ARHGAP15: variants seen among roughly 807,000 people sequenced by gnomAD.
The protein encoded by ARHGAP15 is Rho GTPase activating protein 15, also known as rho GTPase-activating protein 15.
Under a neutral mutation model 63.7 loss-of-function variants are expected in ARHGAP15, and 51 were observed. The ratio of observed to expected loss-of-function variants is 0.80; its 90% CI spans 0.64 to 1.01. The LOEUF is 1.01. Ranked by LOEUF, ARHGAP15 falls within the 50% of genes least tolerant of loss-of-function variation. The probability of loss-of-function intolerance (pLI) is 0.00; values close to 1 mark genes in which losing one functional copy is unlikely to be tolerated. For missense variants in ARHGAP15, 560 were observed against 564.6 expected (o/e 0.99, Z 0.08); for synonymous variants, 191 against 193.8 (o/e 0.99, Z 0.12).
intron 6 of ARHGAP15, among the ~76,000 whole-genome samples, chr2:143,360,762 T>A (rs1410908477): frequency 6.6e-6 from 1 of 152,192 alleles, no homozygotes; most frequent in East Asian, 1.9e-4. Context: ...AGTTAAGTAC[T>A]AATAAATAGC....
intron 6 of ARHGAP15, among the ~76,000 whole-genome samples, chr2:143,374,661 C>T (rs1686723657): frequency 6.6e-6 from 1 of 152,090 alleles, no homozygotes; most frequent in South Asian, 2.1e-4. Flanking sequence ...CACCACCACA[C>T]CTGGCTAATT....
chr2:143,522,771 C>T (rs1486099066), intron 10 of ARHGAP15, among the ~76,000 whole-genome samples: 2 of 152,054 alleles, frequency 1.3e-5, no homozygotes, highest in Non-Finnish European at 2.9e-5. Flanking sequence ...GCATTAAAAC[C>T]CCTGGGCCAT....
intron 9 of ARHGAP15, among the ~76,000 whole-genome samples, chr2:143,497,038 T>G (rs1692846427): frequency 6.6e-6 from 1 of 152,182 alleles, no homozygotes; most frequent in Non-Finnish European, 1.5e-5. Flanking sequence ...ACTGACAAGC[T>G]TCCACAAAAT....
rs754901803 is a variant in ARHGAP15 at position 143,314,859 on chromosome 2, T to A, written c.474+64259T>A. Among the ~76,000 whole-genome samples the A allele has an allele frequency of 4.1e-4, 62 of 151,482 alleles. 1 individual carries two copies. The highest frequency in any genetic ancestry group is 1.2e-4 in the Non-Finnish European group (8 of 68,030). ...ACATCACAACGCAATTTCACTCATC[T>A]GTCCTCAGTTAAAACACTTTGACAA... On this transcript the variant is annotated intron_variant, in intron 6 of 13. Transcript: ENST00000295095.
intron 6 of ARHGAP15, among the ~76,000 whole-genome samples, chr2:143,409,762 G>A (rs538003248): frequency 2.7e-4 from 41 of 152,192 alleles, no homozygotes; most frequent in African/African-American, 9.9e-4. Context: ...ACAGTAATAT[G>A]CTAGACTAGT....
At chr2:143,154,081 A>G (rs1339497756) in intron 1 of ARHGAP15, among the ~76,000 whole-genome samples, 3 of 151,544 alleles carry the variant, frequency 2.0e-5, no homozygotes, top group Non-Finnish European at 4.4e-5. Flanking sequence ...TTGGGAATAA[A>G]ATACCTGCTC....
intron 11 of ARHGAP15, among the ~76,000 whole-genome samples, chr2:143,567,477 G>A (rs1406992052): frequency 6.6e-6 from 1 of 152,186 alleles, no homozygotes; most frequent in African/African-American, 2.4e-5. Flanking sequence ...AGTCAGTCCA[G>A]TGAAAGATGT....
At chr2:143,248,303 G>A (rs1293281166) in intron 5 of ARHGAP15, among the ~76,000 whole-genome samples, 2 of 152,130 alleles carry the variant, frequency 1.3e-5, no homozygotes, top group African/African-American at 2.4e-5. Context: ...AGGTATTCCA[G>A]GTAAACAGGT....
intron 6 of ARHGAP15, among the ~76,000 whole-genome samples, chr2:143,265,854 C>T (rs1247107529): frequency 2.6e-5 from 4 of 152,022 alleles, no homozygotes; most frequent in Admixed American, 1.3e-4. Flanking sequence ...AGCTTCATAA[C>T]GCTAAGTCTG....
intron 6 of ARHGAP15, among the ~76,000 whole-genome samples, chr2:143,322,572 A>C (rs903758715): frequency 6.6e-6 from 1 of 152,214 alleles, no homozygotes; most frequent in Non-Finnish European, 1.5e-5. Context: ...GTAACCACAA[A>C]ATTAAACATT....
intron 3 of ARHGAP15, among the ~76,000 whole-genome samples, chr2:143,211,163 T>C (rs1692543498): frequency 6.6e-6 from 1 of 151,924 alleles, no homozygotes; most frequent in Non-Finnish European, 1.5e-5. Context: ...AAATATAGCA[T>C]GAATAGCAGA....
At chr2:143,483,086 T>C (rs902661041) in intron 8 of ARHGAP15, among the ~76,000 whole-genome samples, 1 of 152,228 alleles carries the variant, frequency 6.6e-6, no homozygotes, top group Non-Finnish European at 1.5e-5. Flanking sequence ...TCAGTATGTA[T>C]GAGAAGGAAA....
chr2:143,435,502 T>C, intron 6 of ARHGAP15, 99 bp from the exon 7 acceptor site: 1 of 1,356,212 alleles, frequency 7.4e-7, no homozygotes, highest in African/African-American at 1.5e-5. Context: ...TTCATTTTAT[T>C]AAACTGTGTT....
chr2:143,133,090 T>C (rs1399128214), intron 1 of ARHGAP15, among the ~76,000 whole-genome samples: 2 of 152,212 alleles, frequency 1.3e-5, no homozygotes, highest in Non-Finnish European at 2.9e-5. Flanking sequence ...TGCCGAGCCA[T>C]AAACTAGAGA....
At chr2:143,145,341 T>C (rs1265984667) in intron 1 of ARHGAP15, among the ~76,000 whole-genome samples, 1 of 152,030 alleles carries the variant, frequency 6.6e-6, no homozygotes, top group African/African-American at 2.4e-5. Context: ...GGGTCACCTC[T>C]TCCTCACTGG....
intron 13 of ARHGAP15, among the ~76,000 whole-genome samples, chr2:143,749,306 C>G (rs989921617): frequency 1.3e-5 from 2 of 152,168 alleles, no homozygotes; most frequent in Non-Finnish European, 2.9e-5. Context: ...ATTTCAAGGT[C>G]ACATCTTCCA....
intron 13 of ARHGAP15, among the ~76,000 whole-genome samples, chr2:143,757,983 G>A (rs576532609): frequency 4.6e-5 from 7 of 152,102 alleles, no homozygotes; most frequent in Admixed American, 4.6e-4. Context: ...AAGACATAAA[G>A]AAACTTAGAA....
At chr2:143,366,454 C>A (rs1302858996) in intron 6 of ARHGAP15, among the ~76,000 whole-genome samples, 1 of 151,978 alleles carries the variant, frequency 6.6e-6, no homozygotes, top group East Asian at 1.9e-4. Context: ...TATTCAAGAT[C>A]ACCAATTCAA....
intron 6 of ARHGAP15, among the ~76,000 whole-genome samples, chr2:143,300,160 C>T (rs919844084): frequency 6.6e-6 from 1 of 151,894 alleles, no homozygotes; most frequent in Non-Finnish European, 1.5e-5. Flanking sequence ...GTGTGATTAA[C>T]CTGATACCTA....
Sources: gnomAD v4.1 joint callset for allele counts (sites outside exome capture counted in the v4.1 genomes callset) on GRCh38, gnomAD v4.1.1 for gene constraint, MANE v1.5 for transcripts, NCBI Gene and HGNC (gene_info 2026-07-23, HGNC 2026-07-21) for gene names.